EYA2: variants seen among roughly 807,000 people sequenced by gnomAD.
EYA2 encodes EYA transcriptional coactivator and phosphatase 2, also known as protein phosphatase EYA2.
In EYA2, 31 loss-of-function variants were observed where a neutral mutation model predicts 69.2. The ratio of observed to expected loss-of-function variants is 0.45; its 90% confidence interval spans 0.34 to 0.60. The LOEUF is 0.60. EYA2 is among the 20% of genes least tolerant of loss of function. The probability of loss-of-function intolerance (pLI) is 0.02; values close to 1 mark genes in which losing one functional copy is unlikely to be tolerated. For missense variants in EYA2, 622 were observed against 701.2 expected, an observed-to-expected ratio of 0.89 and a Z score of 1.28; for synonymous variants, 257 against 279.4, an observed-to-expected ratio of 0.92 and a Z score of 0.80.
At chr20:47,060,402 G>A (rs1264974712) in intron 5 of EYA2, among the ~76,000 whole-genome samples, 2 of 57,308 alleles carry the variant, frequency 3.5e-5, no homozygotes, top group Non-Finnish European at 6.4e-5. Context: ...CACATGACTC[G>A]GGAGGAGGTG....
At chr20:46,956,614 C>T (rs895693094) in intron 1 of EYA2, among the ~76,000 whole-genome samples, 1 of 152,226 alleles carries the variant, frequency 6.6e-6, no homozygotes, top group African/African-American at 2.4e-5. Flanking sequence ...CACATCTCTT[C>T]TGCTCATGGT....
intron 10 of EYA2, among the ~76,000 whole-genome samples, chr20:47,160,152 G>T (rs1182847662): frequency 6.6e-6 from 1 of 152,196 alleles, no homozygotes; most frequent in East Asian, 1.9e-4. Context: ...GCTGCTGGCT[G>T]GAGACTAGGC....
At chr20:47,129,051 G>A (rs1187382230) in intron 9 of EYA2, among the ~76,000 whole-genome samples, 3 of 152,150 alleles carry the variant, frequency 2.0e-5, no homozygotes, top group Non-Finnish European at 4.4e-5. Context: ...CTGAACCCAG[G>A]AGGCGGAGGT....
At chr20:47,039,800 T>G (rs1161697747) in intron 5 of EYA2, among the ~76,000 whole-genome samples, 1 of 151,844 alleles carries the variant, frequency 6.6e-6, no homozygotes, top group Non-Finnish European at 1.5e-5. Flanking sequence ...TTTCCCAGCT[T>G]CTTCATCTCA....
At chr20:47,094,231 A>G (rs1013719248) in intron 8 of EYA2, among the ~76,000 whole-genome samples, 2 of 152,242 alleles carry the variant, frequency 1.3e-5, no homozygotes, top group African/African-American at 4.8e-5. Flanking sequence ...GCTGATTTTT[A>G]AAAGTTCTAT....
At chr20:47,116,617 T>A (rs369847294) in intron 9 of EYA2, among the ~76,000 whole-genome samples, 1 of 152,322 alleles carries the variant, frequency 6.6e-6, no homozygotes, top group East Asian at 1.9e-4. Context: ...CCCTCTGCAG[T>A]GCGTTGGGCA....
At chr20:47,053,891 A>C (rs1013063519) in intron 5 of EYA2, among the ~76,000 whole-genome samples, 18 of 151,876 alleles carry the variant, frequency 1.2e-4, no homozygotes, top group African/African-American at 4.4e-4. Flanking sequence ...GGATCCGAGT[A>C]GAGTCGTTAG....
chr20:46,956,005 A>T (rs1036623456), intron 1 of EYA2, among the ~76,000 whole-genome samples: 3 of 152,234 alleles, frequency 2.0e-5, no homozygotes, highest in African/African-American at 7.2e-5. Context: ...CTTTATTTAC[A>T]AAATCAGGAA....
intron 5 of EYA2, among the ~76,000 whole-genome samples, chr20:47,049,916 GA>G (rs980006987): frequency 1.4e-5 from 2 of 145,842 alleles, no homozygotes; most frequent in African/African-American, 5.1e-5. Context: ...CACTTTTGAT[GA>G]ATACTAGCTG....
intron 7 of EYA2, among the ~76,000 whole-genome samples, chr20:47,079,112 C>G (rs1221838876): frequency 6.6e-6 from 1 of 152,112 alleles, no homozygotes; most frequent in Non-Finnish European, 1.5e-5. Flanking sequence ...TCCCCTTTAT[C>G]CTTTTCAATT....
At chr20:46,912,687 A>ATTTTTTT (rs11473019) in intron 1 of EYA2, among the ~76,000 whole-genome samples, 3 of 145,714 alleles carry the variant, frequency 2.1e-5, no homozygotes, top group Non-Finnish European at 3.0e-5. Flanking sequence ...GGAATTTTTA[A>ATTTTTTT]TTTTTTTTTT....
chr20:46,949,292 A>G (rs780662105), intron 1 of EYA2, among the ~76,000 whole-genome samples: 1 of 152,228 alleles, frequency 6.6e-6, no homozygotes, highest in African/African-American at 2.4e-5. Context: ...GGTTCCTTTT[A>G]TGGGAAAATC....
chr20:47,046,089 C>T (rs143887469), intron 5 of EYA2, among the ~76,000 whole-genome samples: 173 of 152,298 alleles, frequency 1.1e-3, no homozygotes, highest in African/African-American at 4.1e-3. Flanking sequence ...ATCAGGGTGC[C>T]AGCATGGTCA....
chr20:46,932,273 C>T (rs1985704335), intron 1 of EYA2, among the ~76,000 whole-genome samples: 2 of 152,094 alleles, frequency 1.3e-5, no homozygotes, highest in Admixed American at 1.3e-4. Flanking sequence ...TATGGTCATG[C>T]TCACCTTCCA....
intron 5 of EYA2, among the ~76,000 whole-genome samples, chr20:47,060,401 C>CAG (rs3085524): frequency 0.4 from 60,578 of 151,904 alleles, 13,229 homozygotes; most frequent in African/African-American, 0.59. Context: ...TCACATGACT[C>CAG]GGGAGGAGGT....
intron 1 of EYA2, among the ~76,000 whole-genome samples, chr20:46,977,042 A>G (rs1980506156): frequency 6.6e-6 from 1 of 152,272 alleles, no homozygotes; most frequent in South Asian, 2.1e-4. Context: ...ATGGCATGGA[A>G]TGAACACCAA....
intron 5 of EYA2, among the ~76,000 whole-genome samples, chr20:47,046,221 C>T (rs1425348666): frequency 6.6e-6 from 1 of 152,178 alleles, no homozygotes; most frequent in Non-Finnish European, 1.5e-5. Flanking sequence ...CTTTTATAAT[C>T]ACCTTCATGA....
rs184714326 is a variant in EYA2 at position 47,119,652 on chromosome 20, G to T, written c.888+22484G>T. 4.9e-3 allele frequency among the ~76,000 whole-genome samples: 739 copies of T among 152,308 alleles called. 4 individuals are homozygous for T. The highest frequency in any genetic ancestry group is 0.016 in the African/African-American group (651 of 41,560). ...GAAGACTGTTGGTTACTAGGGACTGGGGGTAGTGGGGAATGGGGAGTAAGT... is the reference window on the plus strand; with the variant it reads ...GAAGACTGTTGGTTACTAGGGACTGTGGGTAGTGGGGAATGGGGAGTAAGT... On this transcript the variant is annotated intron_variant, in intron 9 of 15. Transcript: ENST00000327619.
At chr20:46,925,397 T>G (rs1315775495) in intron 1 of EYA2, among the ~76,000 whole-genome samples, 1 of 151,872 alleles carries the variant, frequency 6.6e-6, no homozygotes, top group African/African-American at 2.4e-5. Context: ...AAAAGATAAA[T>G]GACAAACTGG....
Sources: allele counts gnomAD v4.1 joint callset (sites outside exome capture counted in the v4.1 genomes callset), GRCh38; gene constraint gnomAD v4.1.1; transcripts MANE v1.5; gene names NCBI Gene and HGNC (gene_info 2026-07-23, HGNC 2026-07-21).